Variants in PRCP observed in about 807,000 individuals in gnomAD.
PRCP encodes the protein lysosomal Pro-X carboxypeptidase.
Under a neutral mutation model 54.2 loss-of-function variants are expected in PRCP, and 46 were observed. The ratio of observed to expected loss-of-function variants is 0.85; its 90% CI spans 0.67 to 1.09. PRCP has a LOEUF of 1.09. PRCP is among the 50% of genes least tolerant of loss of function. The probability of loss-of-function intolerance (pLI) is 0.00; values close to 1 mark genes in which losing one functional copy is unlikely to be tolerated. For missense variants in PRCP, 613 were observed against 596.8 expected (o/e 1.03, Z -0.28); for synonymous variants, 240 against 212.2 (o/e 1.13, Z -1.14).
chr11:82,849,238 G>A lies in PRCP; in HGVS notation c.752-20C>T, dbSNP rs1858886041. The A allele has an allele frequency of 6.2e-7, 1 of 1,611,946 alleles. No individual in the cohort carries two copies. The highest frequency in any genetic ancestry group is 1.7e-4 in the Middle Eastern group (1 of 6,048). ...CACTGCCTGGGAATAGAATCACACT[G>A]TTGGAATCTAAAAAGTACTGGTCAA... On this transcript the variant is annotated intron_variant, in intron 5 of 8. Coordinates refer to ENST00000313010, the MANE Select transcript of PRCP (RefSeq NM_005040.4).
chr11:82,871,007 G>A (rs765718135), intron 1 of PRCP, among the ~76,000 whole-genome samples: 2 of 151,804 alleles, frequency 1.3e-5, no homozygotes, highest in Non-Finnish European at 2.9e-5. Flanking sequence ...AAATAATCTT[G>A]CCAGAACTCA....
At position 82,822,936 on chromosome 11, in the gene PRCP, T is replaced by C. The variant is rs1163785603; in HGVS notation, c.*1970A>G. ...TAGAAAGCACTCAAGTCTCCATGTCTCTCTTTCCCTGTCAGTAAAAAGTGC... is the reference window on the plus strand; with the variant it reads ...TAGAAAGCACTCAAGTCTCCATGTCCCTCTTTCCCTGTCAGTAAAAAGTGC... On this transcript the variant is annotated 3_prime_UTR_variant, in exon 9 of 9. Coordinates refer to ENST00000313010, the MANE Select transcript of PRCP (RefSeq NM_005040.4). Among the ~76,000 whole-genome samples, 2 of 152,206 alleles carry C rather than the reference T, an allele frequency of 1.3e-5. No individual in the cohort carries two copies. The highest frequency in any genetic ancestry group is 2.9e-5 in the Non-Finnish European group (2 of 68,032).
chr11:82,866,095 T>C (rs1033373315), intron 1 of PRCP, among the ~76,000 whole-genome samples: 1 of 152,220 alleles, frequency 6.6e-6, no homozygotes, highest in African/African-American at 2.4e-5. Context: ...TTCTTCTTTA[T>C]TATGTCAAGG....
At chr11:82,884,899 A>G (rs777719262) in intron 1 of PRCP, 23 of 1,612,160 alleles carry the variant, frequency 1.4e-5, no homozygotes, top group Middle Eastern at 3.3e-4. Flanking sequence ...CAGGAAGTAA[A>G]GGCTTGATTT....
chr11:82,829,883 T>C (rs1178843761), intron 8 of PRCP: 1 of 152,226 alleles, frequency 6.6e-6, no homozygotes, highest in Non-Finnish European at 1.5e-5. Context: ...TGGTACTTTT[T>C]ACGTGGGAAA....
intron 7 of PRCP, 83 bp from the exon 8 acceptor site, chr11:82,838,657 G>GT: frequency 7.2e-7 from 1 of 1,391,676 alleles, no homozygotes; most frequent in Non-Finnish European, 9.8e-7. Flanking sequence ...CATAATGCTG[G>GT]TAAGTAGTGA....
At chr11:82,878,794 C>T (rs1183694982) in intron 1 of PRCP, among the ~76,000 whole-genome samples, 1 of 152,148 alleles carries the variant, frequency 6.6e-6, no homozygotes, top group Non-Finnish European at 1.5e-5. Context: ...TTCTCCTTCA[C>T]TTATGAAGTT....
At chr11:82,898,965 C>CA (rs1246240743) in intron 1 of PRCP, among the ~76,000 whole-genome samples, 1 of 151,308 alleles carries the variant, frequency 6.6e-6, no homozygotes, top group Non-Finnish European at 1.5e-5. Flanking sequence ...GGCAAGATGA[C>CA]AAAATCCCAT....
At chr11:82,866,411 T>C (rs760282340) in intron 1 of PRCP, among the ~76,000 whole-genome samples, 1 of 152,214 alleles carries the variant, frequency 6.6e-6, no homozygotes, top group Non-Finnish European at 1.5e-5. Context: ...CATCTTCGTA[T>C]GTAATAAGAC....
At chr11:82,859,707 CAAA>C (rs1859165183) in intron 2 of PRCP, among the ~76,000 whole-genome samples, 2 of 152,092 alleles carry the variant, frequency 1.3e-5, no homozygotes, top group African/African-American at 4.8e-5. Context: ...TTCAATTCTC[CAAA>C]AATTGTACAT....
At chr11:82,851,393 C>CT (rs1056569369) in intron 3 of PRCP, among the ~76,000 whole-genome samples, 1 of 150,850 alleles carries the variant, frequency 6.6e-6, no homozygotes, top group African/African-American at 2.4e-5. Flanking sequence ...GCACTGCCAA[C>CT]TTTGAGGGAA....
chr11:82,834,077 G>C (rs1281825413), intron 8 of PRCP, among the ~76,000 whole-genome samples: 1 of 152,174 alleles, frequency 6.6e-6, no homozygotes, highest in Non-Finnish European at 1.5e-5. Flanking sequence ...CGAGCTTCTT[G>C]CCCTTCCACC....
intron 1 of PRCP, among the ~76,000 whole-genome samples, chr11:82,893,984 T>G (rs2121279924): frequency 6.6e-6 from 1 of 152,344 alleles, no homozygotes; most frequent in Non-Finnish European, 1.5e-5. Flanking sequence ...ACATTTACAC[T>G]ACATATGTAA....
chr11:82,847,132 G>A (rs1858826996), intron 6 of PRCP, among the ~76,000 whole-genome samples: 1 of 152,328 alleles, frequency 6.6e-6, no homozygotes. Flanking sequence ...CTCAACCTCT[G>A]TTCTAAATAA....
At chr11:82,882,202 G>T (rs1025384710) in intron 1 of PRCP, among the ~76,000 whole-genome samples, 2 of 152,040 alleles carry the variant, frequency 1.3e-5, no homozygotes, top group Admixed American at 6.6e-5. Context: ...GGTGAAAGGG[G>T]AGACAGAAGA....
In PRCP at chr11:82,823,946, G is replaced by C. The variant is rs531830655; in HGVS notation, c.*960C>G. ...CTGCCTGTTAGTGTCTAACACTTCTGGTTTTAATGACAGCAGTAACAACTA... is the reference window on the plus strand; with the variant it reads ...CTGCCTGTTAGTGTCTAACACTTCTCGTTTTAATGACAGCAGTAACAACTA... On this transcript the variant is annotated 3_prime_UTR_variant, in exon 9 of 9. Transcript: ENST00000313010. 7 of 152,198 alleles carry C rather than the reference G, an allele frequency of 4.6e-5. No homozygotes were observed. In the South Asian group the frequency reaches 1.5e-3, roughly 32 times the overall value. The allele number at this position is 152,198 out of a possible 1,614,324, so 9.4% of individuals were successfully genotyped here. A position where few individuals can be genotyped will look rare whatever the true frequency, so the allele number is the denominator to read the frequency against.
intron 1 of PRCP, among the ~76,000 whole-genome samples, chr11:82,892,202 A>T (rs1042800644): frequency 3.3e-5 from 5 of 152,226 alleles, no homozygotes; most frequent in Non-Finnish European, 5.9e-5. Flanking sequence ...CAGATAAAAA[A>T]CATGACTCAC....
At chr11:82,854,575 C>G (rs1262372148) in intron 2 of PRCP, among the ~76,000 whole-genome samples, 1 of 152,142 alleles carries the variant, frequency 6.6e-6, no homozygotes, top group African/African-American at 2.4e-5. Flanking sequence ...AATGGCCATA[C>G]TCCCCAAAGC....
chr11:82,898,145 G>A (rs938327091), intron 1 of PRCP, among the ~76,000 whole-genome samples: 36 of 152,116 alleles, frequency 2.4e-4, no homozygotes, highest in African/African-American at 8.7e-4. Context: ...CTCAGAAAAT[G>A]AAATAAAACT....
Sources: allele counts gnomAD v4.1 joint callset (sites outside exome capture counted in the v4.1 genomes callset), GRCh38; gene constraint gnomAD v4.1.1; transcripts MANE v1.5; gene names NCBI Gene and HGNC (gene_info 2026-07-23, HGNC 2026-07-21).